The following EXOC2 variants were observed in gnomAD, a reference collection of about 807,000 sequenced individuals.
EXOC2 encodes exocyst complex component 2, also known as SEC5-like 1.
EXOC2 carries 70 observed loss-of-function variants against 131.8 expected under a neutral mutation model. That is an observed-to-expected ratio of 0.53 (90% CI 0.44 to 0.65). The LOEUF (loss-of-function observed/expected upper bound fraction) is 0.65, where lower values mean the gene tolerates loss of function less well. Among genes scored for constraint, EXOC2 ranks in the 30% least tolerant of loss-of-function variants. EXOC2 has a pLI of 0.00. For missense variants in EXOC2, 923 were observed against 1,108.6 expected (o/e 0.83, Z 2.38); for synonymous variants, 411 against 398.4 (o/e 1.03, Z -0.38).
intron 25 of EXOC2, among the ~76,000 whole-genome samples, chr6:492,992 A>C (rs1374162278): frequency 6.6e-6 from 1 of 152,254 alleles, no homozygotes; most frequent in Non-Finnish European, 1.5e-5. Context: ...CATACAAGTC[A>C]GTTTCCTGGG....
At chr6:653,930 C>A (rs1408031682) in intron 1 of EXOC2, among the ~76,000 whole-genome samples, 1 of 152,188 alleles carries the variant, frequency 6.6e-6, no homozygotes, top group Non-Finnish European at 1.5e-5. Context: ...TTCTGAAAAT[C>A]CTAGGGCCCT....
In EXOC2 at chr6:531,588, G is replaced by A. The variant is rs184455389; in HGVS notation, c.2380+881C>T. ...GAACACTATACAATAAAAACCAAAG[G>A]TGTTTAAACAGTAAACAATTTTATC... is the stretch of plus-strand genomic sequence containing the variant. On this transcript the variant is annotated intron_variant, in intron 23 of 27. Transcript: ENST00000230449. Among the ~76,000 whole-genome samples the A allele has an allele frequency of 1.4e-3, 208 of 152,342 alleles. 1 individual carries two copies. Among genetic ancestry groups the A allele is most frequent in the Non-Finnish European group, 2.6e-3 (174 of 68,036 alleles).
chr6:691,949 A>T (rs1317899970), intron 1 of EXOC2, among the ~76,000 whole-genome samples: 1 of 152,232 alleles, frequency 6.6e-6, no homozygotes, highest in Non-Finnish European at 1.5e-5. Flanking sequence ...AACTTTTAGC[A>T]CAAAAAAATC....
At chr6:551,745 C>G (rs1415672773) in intron 21 of EXOC2, among the ~76,000 whole-genome samples, 1 of 152,220 alleles carries the variant, frequency 6.6e-6, no homozygotes, top group Admixed American at 6.5e-5. Flanking sequence ...CATTTCCATG[C>G]TCCACAAGCC....
chr6:558,650 A>G (rs908956203), intron 17 of EXOC2, among the ~76,000 whole-genome samples: 17 of 151,930 alleles, frequency 1.1e-4, no homozygotes, highest in Non-Finnish European at 2.2e-4. Context: ...CATCTCTACT[A>G]AAAATACAAA....
chr6:674,804 C>T (rs1351517959), intron 1 of EXOC2, among the ~76,000 whole-genome samples: 1 of 152,000 alleles, frequency 6.6e-6, no homozygotes, highest in Non-Finnish European at 1.5e-5. Flanking sequence ...GGGACTGCCC[C>T]TCTGAGAACT....
chr6:563,547 C>T (rs867880516), intron 16 of EXOC2, among the ~76,000 whole-genome samples: 2 of 151,978 alleles, frequency 1.3e-5, no homozygotes, highest in African/African-American at 4.8e-5. Context: ...GTAAAGAAAA[C>T]CTTTATGGTT....
chr6:567,396 C>A (rs934645135), intron 13 of EXOC2, among the ~76,000 whole-genome samples: 5 of 152,202 alleles, frequency 3.3e-5, no homozygotes, highest in Admixed American at 3.3e-4. Flanking sequence ...CTTCCCTGAC[C>A]TCCAACCCAT....
chr6:616,068 G>A (rs1561928886), intron 6 of EXOC2, among the ~76,000 whole-genome samples: 2 of 152,044 alleles, frequency 1.3e-5, no homozygotes, highest in Admixed American at 6.5e-5. Flanking sequence ...CAACTTACCC[G>A]AGCAACTTTA....
intron 16 of EXOC2, 59 bp from the exon 17 acceptor site, chr6:562,904 G>T: frequency 1.6e-6 from 2 of 1,226,512 alleles, no homozygotes; most frequent in East Asian, 2.6e-5. Flanking sequence ...ATTTTATACA[G>T]ATTAAAAATG....
At chr6:607,932 C>T (rs1406528830) in intron 7 of EXOC2, among the ~76,000 whole-genome samples, 1 of 152,108 alleles carries the variant, frequency 6.6e-6, no homozygotes, top group Non-Finnish European at 1.5e-5. Flanking sequence ...CTGCAGCCAA[C>T]AGTATCCTTT....
At chr6:652,019 G>A (rs1287447430) in intron 1 of EXOC2, among the ~76,000 whole-genome samples, 3 of 149,326 alleles carry the variant, frequency 2.0e-5, no homozygotes, top group African/African-American at 7.4e-5. Flanking sequence ...TTACGCCACT[G>A]CACTCCAGCC....
intron 6 of EXOC2, among the ~76,000 whole-genome samples, chr6:614,519 CA>C (rs1174455080): frequency 6.6e-6 from 1 of 152,146 alleles, no homozygotes; most frequent in African/African-American, 2.4e-5. Flanking sequence ...TGTAATGAAC[CA>C]TAAGTCTGAG....
At chr6:637,631 A>C (rs948579223) in intron 2 of EXOC2, 70 bp downstream of exon 2, 26 of 1,194,872 alleles carry the variant, frequency 2.2e-5, no homozygotes, top group Admixed American at 1.4e-4. Flanking sequence ...TTTGAAAATT[A>C]CATATCTTGT....
At chr6:630,470 G>A (rs2127702691) in intron 3 of EXOC2, among the ~76,000 whole-genome samples, 1 of 152,300 alleles carries the variant, frequency 6.6e-6, no homozygotes, top group Middle Eastern at 3.4e-3. Flanking sequence ...TCAGTGGAAA[G>A]CTTCTGGTTT....
chr6:555,710 T>C (rs1222114301), intron 19 of EXOC2, among the ~76,000 whole-genome samples: 1 of 152,188 alleles, frequency 6.6e-6, no homozygotes, highest in Non-Finnish European at 1.5e-5. Flanking sequence ...ACATAGAAAG[T>C]ACCAAGAGAA....
intron 1 of EXOC2, among the ~76,000 whole-genome samples, chr6:689,364 A>T (rs1195330416): frequency 2.0e-5 from 3 of 152,254 alleles, no homozygotes; most frequent in African/African-American, 7.2e-5. Flanking sequence ...ACTTTCCAGG[A>T]AAAACAAACA....
chr6:664,247 G>A (rs568145937), intron 1 of EXOC2, among the ~76,000 whole-genome samples: 135 of 152,128 alleles, frequency 8.9e-4, no homozygotes, highest in African/African-American at 2.1e-3. Context: ...CAGGTCTTTC[G>A]GAGGACCTCT....
intron 22 of EXOC2, among the ~76,000 whole-genome samples, chr6:543,387 C>CTT (rs1448931377): frequency 3.3e-5 from 5 of 152,082 alleles, no homozygotes; most frequent in Non-Finnish European, 7.3e-5. Context: ...TGTGATCTCA[C>CTT]TTATATGTGG....
Sources: allele counts gnomAD v4.1 joint callset (sites outside exome capture counted in the v4.1 genomes callset), GRCh38; gene constraint gnomAD v4.1.1; transcripts MANE v1.5; gene names NCBI Gene and HGNC (gene_info 2026-07-23, HGNC 2026-07-21).